PCSK6: variants seen among roughly 807,000 people sequenced by gnomAD.
The protein encoded by PCSK6 is proprotein convertase subtilisin/kexin type 6, also known as paired basic amino acid cleaving enzyme 4.
In PCSK6, 85 loss-of-function variants were observed where a neutral mutation model predicts 123.3. That is an observed-to-expected ratio of 0.69 (90% CI 0.58 to 0.83). The LOEUF (loss-of-function observed/expected upper bound fraction) is 0.83. Ranked by LOEUF, PCSK6 falls within the 40% of genes least tolerant of loss-of-function variation. The pLI, the probability that PCSK6 is intolerant of heterozygous loss-of-function variation, is 0.00. For missense variants in PCSK6, 1,191 were observed against 1,282.3 expected (o/e 0.93, Z 1.09); for synonymous variants, 508 against 516.0 (o/e 0.98, Z 0.21).
intron 6 of PCSK6, among the ~76,000 whole-genome samples, chr15:101,417,018 GA>G (rs952313932): frequency 6.6e-6 from 1 of 152,222 alleles, no homozygotes. Flanking sequence ...CCTGTGAGAA[GA>G]GGGCCACCAT....
chr15:101,341,364 T>C (rs1212999840), intron 13 of PCSK6, among the ~76,000 whole-genome samples: 1 of 150,244 alleles, frequency 6.7e-6, no homozygotes, highest in African/African-American at 2.5e-5. Context: ...TCCTCCTGCC[T>C]CAGCCTCCCA....
intron 6 of PCSK6, among the ~76,000 whole-genome samples, chr15:101,412,714 A>ATATATATATATAT (rs1326677557): frequency 8.8e-6 from 1 of 113,848 alleles, no homozygotes; most frequent in Non-Finnish European, 1.9e-5. Flanking sequence ...TATATATATA[A>ATATATATATATAT]AATTACCCAA....
intron 10 of PCSK6, 123 bp downstream of exon 10, chr15:101,384,199 T>C (rs1232172030): frequency 2.7e-6 from 4 of 1,487,550 alleles, no homozygotes; most frequent in East Asian, 2.4e-5. Context: ...TTTTAAATTC[T>C]TGTGACACAC....
chr15:101,446,119 T>C (rs1441346019), intron 1 of PCSK6, among the ~76,000 whole-genome samples: 2 of 152,234 alleles, frequency 1.3e-5, no homozygotes, highest in Non-Finnish European at 2.9e-5. Context: ...CTCCATCTGT[T>C]TGGACACTTA....
At chr15:101,467,493 G>A (rs942556506) in intron 1 of PCSK6, among the ~76,000 whole-genome samples, 38 of 151,908 alleles carry the variant, frequency 2.5e-4, no homozygotes, top group African/African-American at 9.2e-4. Context: ...GGCTGGTCTC[G>A]ATCTCCTGAC....
chr15:101,418,834 G>A (rs926695578), intron 6 of PCSK6, among the ~76,000 whole-genome samples: 3 of 152,088 alleles, frequency 2.0e-5, no homozygotes, highest in African/African-American at 7.2e-5. Context: ...ATCTATTAAT[G>A]TAACTTATTA....
chr15:101,316,498 A>G (rs1317103772), intron 19 of PCSK6: 1 of 152,232 alleles, frequency 6.6e-6, no homozygotes, highest in Non-Finnish European at 1.5e-5. Flanking sequence ...GTGACTACGA[A>G]ATTTAAATAA....
chr15:101,432,053 C>G lies in PCSK6; in HGVS notation c.450G>C (p.Gln150His). The G allele has an allele frequency of 6.2e-7, 1 of 1,613,818 alleles. No homozygotes were observed. The highest frequency in any genetic ancestry group is 8.5e-7 in the Non-Finnish European group (1 of 1,179,838). ...QQEVKRRVKRQVRSDPQALYF... is the reference protein window; with the variant it reads ...QQEVKRRVKRHVRSDPQALYF... ...AAAGGGCCTGCGGGTCACTTCGCACCTGTCTCTTCACCCTTCGTTTCACTT... is the reference window on the plus strand; with the variant it reads ...AAAGGGCCTGCGGGTCACTTCGCACGTGTCTCTTCACCCTTCGTTTCACTT... Residue 150 changes from glutamine to histidine, a missense_variant, in exon 3 of 22, where the codon CAG becomes CAC. By Grantham distance (24) the Gln-to-His change is conservative. Around this residue, in one of 3 missense-constraint regions of PCSK6, gnomAD observed 357 missense variants for 484.5 expected, o/e 0.74. Transcript: ENST00000611716.
intron 5 of PCSK6, 113 bp downstream of exon 5, chr15:101,429,874 G>T: frequency 1.1e-6 from 1 of 891,056 alleles, no homozygotes; most frequent in Non-Finnish European, 1.8e-6. Flanking sequence ...TCGCGCCCAG[G>T]CAGGGAAGAT....
intron 10 of PCSK6, among the ~76,000 whole-genome samples, chr15:101,383,199 G>C (rs2041956279): frequency 6.6e-6 from 1 of 151,998 alleles, no homozygotes; most frequent in African/African-American, 2.4e-5. Context: ...ACAAGGTCAG[G>C]AGTTCGAGAC....
chr15:101,370,688 C>T (rs1005918125), intron 11 of PCSK6, among the ~76,000 whole-genome samples, 165 bp from the exon 12 acceptor site: 6 of 152,294 alleles, frequency 3.9e-5, no homozygotes, highest in Non-Finnish European at 7.3e-5. Context: ...GGATGCTCCA[C>T]TGTGAACTTT....
intron 13 of PCSK6, among the ~76,000 whole-genome samples, chr15:101,365,201 AG>A (rs2041352271): frequency 6.6e-6 from 1 of 152,236 alleles, no homozygotes; most frequent in Non-Finnish European, 1.5e-5. Flanking sequence ...AAGGAAACAC[AG>A]GAGTAAATCT....
At chr15:101,441,197 T>G (rs186230510) in intron 2 of PCSK6, among the ~76,000 whole-genome samples, 1 of 152,176 alleles carries the variant, frequency 6.6e-6, no homozygotes, top group Non-Finnish European at 1.5e-5. Flanking sequence ...GAAGTCTCTA[T>G]CCTTCCTTCT....
intron 11 of PCSK6, among the ~76,000 whole-genome samples, chr15:101,376,198 T>A (rs1006907564): frequency 9.9e-5 from 15 of 152,116 alleles, no homozygotes; most frequent in Non-Finnish European, 1.9e-4. Context: ...GCTCAAGCGA[T>A]CCTCCCACCT....
intron 15 of PCSK6, among the ~76,000 whole-genome samples, chr15:101,329,364 A>G (rs926347669): frequency 5.9e-5 from 9 of 152,234 alleles, no homozygotes; most frequent in Admixed American, 1.3e-4. Context: ...ACGCCATCCA[A>G]GAACAGCACA....
intron 17 of PCSK6, among the ~76,000 whole-genome samples, chr15:101,323,711 A>T (rs922250314): frequency 7.6e-5 from 11 of 144,058 alleles, no homozygotes; most frequent in Non-Finnish European, 1.5e-4. Context: ...CCAGCCTGGG[A>T]GACAGTGAGA....
chr15:101,330,220 C>A (rs1243016196), intron 15 of PCSK6, among the ~76,000 whole-genome samples: 1 of 152,238 alleles, frequency 6.6e-6, no homozygotes, highest in South Asian at 2.1e-4. Flanking sequence ...GGTCCTCAAC[C>A]TTCCTCTCCA....
Position 101,489,578 on chromosome 15 carries a change from C to T in PCSK6, c.93G>A (p.Gly31=), listed in dbSNP as rs1282802567. The T allele has an allele frequency of 4.1e-6, 4 of 973,886 alleles. No individual in the cohort carries two copies. Among genetic ancestry groups the T allele is most frequent in the Non-Finnish European group, 4.9e-6 (4 of 824,164 alleles). The allele number at this position is 973,886 out of a possible 1,614,324, so 60.3% of individuals were successfully genotyped here. ...CGGGCCCGCCGGCGCCCCCCGCGCCCCCCGCGCCCCCCGCGCCCGCGGCGG... is the reference window on the plus strand; with the variant it reads ...CGGGCCCGCCGGCGCCCCCCGCGCCTCCCGCGCCCCCCGCGCCCGCGGCGG... ...TDTAAGAGGA[G]GAGGAGGPGF... is the part of the protein sequence containing the mutation. Residue 31 remains glycine (G), a synonymous_variant, in exon 1 of 22, where the codon GGG becomes GGA. Transcript: ENST00000611716.
At chr15:101,386,432 T>C (rs968643888) in intron 9 of PCSK6, among the ~76,000 whole-genome samples, 1 of 152,164 alleles carries the variant, frequency 6.6e-6, no homozygotes, top group Non-Finnish European at 1.5e-5. Context: ...GACGTTCACA[T>C]TGCTCTGGTA....
Sources: gnomAD v4.1 joint callset for allele counts (sites outside exome capture counted in the v4.1 genomes callset) on GRCh38, gnomAD v4.1.1 for gene constraint, gnomAD v4.1.1 regional missense constraint, MANE v1.5 for transcripts, NCBI Gene and HGNC (gene_info 2026-07-23, HGNC 2026-07-21) for gene names.